The following ZFP3 variants were observed in gnomAD, a reference collection of about 807,000 sequenced individuals.
ZFP3 encodes the protein ZFP3 zinc finger protein.
ZFP3 carries 18 observed loss-of-function variants against 36.7 expected under a neutral mutation model. The observed-to-expected ratio is 0.49, with a 90% confidence interval of 0.34 to 0.73. The LOEUF is 0.73. Ranked by LOEUF, ZFP3 falls within the 30% of genes least tolerant of loss-of-function variation. The pLI, the probability that ZFP3 is intolerant of heterozygous loss-of-function variation, is 0.01. For synonymous variants in ZFP3, 218 were observed against 199.0 expected (o/e 1.10, Z -0.81); for missense variants, 495 against 599.0 (o/e 0.83, Z 1.81).
At chr17:5,084,895 T>C (rs1279996362) in intron 1 of ZFP3, among the ~76,000 whole-genome samples, 1 of 152,254 alleles carries the variant, frequency 6.6e-6, no homozygotes, top group African/African-American at 2.4e-5. Context: ...GCTGTGCCTC[T>C]GGAAGAATCA....
At chr17:5,082,143 C>T (rs190903958) in intron 1 of ZFP3, among the ~76,000 whole-genome samples, 1 of 151,150 alleles carries the variant, frequency 6.6e-6, no homozygotes, top group Admixed American at 6.6e-5. Context: ...GTCAGGAGAT[C>T]GAGACCATCC....
At chr17:5,079,288 T>G (rs1449865558) in intron 1 of ZFP3, among the ~76,000 whole-genome samples, 1 of 151,580 alleles carries the variant, frequency 6.6e-6, no homozygotes, top group Non-Finnish European at 1.5e-5. Flanking sequence ...TTGGGAGGCC[T>G]AGGCGGGAGG....
At chr17:5,080,277 A>T (rs2072086818) in intron 1 of ZFP3, among the ~76,000 whole-genome samples, 1 of 152,158 alleles carries the variant, frequency 6.6e-6, no homozygotes, top group South Asian at 2.1e-4. Flanking sequence ...ACCCAGATGA[A>T]GGTGGATGTC....
rs973001357 is a variant in ZFP3, at chr17:5,093,866, A to G, written c.*853A>G. 2 of 167,156 alleles carry G rather than the reference A, an allele frequency of 1.2e-5. No individual in the cohort carries two copies. Among genetic ancestry groups the G allele is most frequent in the South Asian group, 4.1e-4 (2 of 4,830 alleles). The allele number at this position is 167,156 out of a possible 1,614,324, so 10.4% of individuals were successfully genotyped here. A position where few individuals can be genotyped will look rare whatever the true frequency, so the allele number is the denominator to read the frequency against. On this transcript the variant is annotated 3_prime_UTR_variant, in exon 2 of 2. Transcript: ENST00000318833. ...ATTAGGCAACACCAGGGGATAAACA[A>G]TTGAGGTCACACTGCTCGGCATGGG...
intron 1 of ZFP3, among the ~76,000 whole-genome samples, chr17:5,081,257 C>A (rs1271223923): frequency 6.6e-6 from 1 of 151,992 alleles, no homozygotes; most frequent in African/African-American, 2.4e-5. Flanking sequence ...CCACACCTGG[C>A]TAATTTTTGT....
intron 1 of ZFP3, among the ~76,000 whole-genome samples, chr17:5,083,912 GC>G (rs2072107186): frequency 6.6e-6 from 1 of 151,288 alleles, no homozygotes; most frequent in Admixed American, 6.6e-5. Context: ...TGTCGCCCAG[GC>G]TGGAGTGCAA....
intron 1 of ZFP3, among the ~76,000 whole-genome samples, chr17:5,081,873 T>A (rs2072095365): frequency 6.8e-6 from 1 of 148,030 alleles, no homozygotes; most frequent in South Asian, 2.2e-4. Flanking sequence ...AGTGTTGGGA[T>A]TACAGGCGTG....
chr17:5,086,972 C>T (rs1295640606), intron 1 of ZFP3, among the ~76,000 whole-genome samples: 2 of 152,040 alleles, frequency 1.3e-5, no homozygotes, highest in African/African-American at 4.8e-5. Flanking sequence ...TCATGATCTG[C>T]CTGCCTTGGC....
Position 5,091,748 on chromosome 17 carries a change from A to G in ZFP3, c.244A>G (p.Ser82Gly). 2.5e-6 allele frequency: 4 copies of G among 1,614,256 alleles called. No individual in the cohort carries two copies. The highest frequency in any genetic ancestry group is 3.4e-6 in the Non-Finnish European group (4 of 1,180,050). Residue 82 changes from serine (S) to glycine (G), a missense_variant, in exon 2 of 2, where the codon AGT (serine) becomes GGT (glycine). This residue lies in a region of ZFP3 where 229 missense variants were observed against 233.8 expected (regional missense o/e 0.98). Coordinates refer to ENST00000318833, the MANE Select transcript of ZFP3 (RefSeq NM_153018.3). ...GLMIFKKSPS[S>G]EKDRENNESE... ...GATGATCTTTAAGAAATCACCCTCA[A>G]GTGAGAAAGACCGGGAGAATAATGA...
Position 5,092,742 on chromosome 17 carries a change from G to A in ZFP3, c.1238G>A (p.Arg413Lys), listed in dbSNP as rs769402923. The A allele has an allele frequency of 1.2e-6, 2 of 1,614,008 alleles. No individual in the cohort carries two copies. Among genetic ancestry groups the A allele is most frequent in the African/African-American group, 1.3e-5 (1 of 74,896 alleles). The change falls in exon 2 of 2, where the codon AGA becomes AAA. Residue 413 changes from arginine to lysine, a missense_variant. Arg to Lys is a conservative substitution (Grantham distance 26). Coordinates refer to ENST00000318833, the MANE Select transcript of ZFP3 (RefSeq NM_153018.3). This position sits in a 1 kb window ranked among gnomAD's most constrained non-coding sequence, Gnocchi z 5.0. ...ACCTCTCACCTTATTGTCCACCAGA[G>A]AATTCATACTGGAGAGAAACCCCAT... is the stretch of plus-strand genomic sequence containing the variant. ...RRTSHLIVHQ[R>K]IHTGEKPHQC...
At chr17:5,084,213 CTTG>C (rs1177805514) in intron 1 of ZFP3, among the ~76,000 whole-genome samples, 1 of 129,742 alleles carries the variant, frequency 7.7e-6, no homozygotes, top group Admixed American at 7.9e-5. Context: ...AATTTTATTT[CTTG>C]TTGTTAATTA....
chr17:5,093,009 A>G lies in ZFP3; in HGVS notation c.1505A>G (p.Glu502Gly). ...LLRHQSVHCM[E>G] ...CGACATCAAAGTGTTCACTGTATGGAGTAATCTGCAAAATAGGAAAGCTTT... is the reference window on the plus strand; with the variant it reads ...CGACATCAAAGTGTTCACTGTATGGGGTAATCTGCAAAATAGGAAAGCTTT... Residue 502 changes from glutamate to glycine, a missense_variant, in exon 2 of 2, where the codon GAG (glutamate) becomes GGG (glycine). Transcript: ENST00000318833. 1 of 1,559,720 alleles carries G rather than the reference A, an allele frequency of 6.4e-7. No homozygotes were observed. Among genetic ancestry groups the G allele is most frequent in the South Asian group, 1.2e-5 (1 of 82,838 alleles).
intron 1 of ZFP3, among the ~76,000 whole-genome samples, chr17:5,088,541 C>T (rs2072132931): frequency 6.6e-6 from 1 of 150,628 alleles, no homozygotes; most frequent in African/African-American, 2.4e-5. Flanking sequence ...GTCTCAGTCT[C>T]CTGATCTCGT....
Position 5,092,542 on chromosome 17 carries a change from T to C in ZFP3, c.1038T>C (p.Phe346=), listed in dbSNP as rs756606304. The C allele has an allele frequency of 1.9e-6, 3 of 1,614,116 alleles. No homozygotes were observed. In the Admixed American group the frequency reaches 5.0e-5, roughly 27 times the overall value. Residue 346 remains phenylalanine, a synonymous_variant, in exon 2 of 2, where the codon TTT becomes TTC. Coordinates refer to ENST00000318833, the MANE Select transcript of ZFP3 (RefSeq NM_153018.3). This position sits in a 1 kb window ranked among gnomAD's most constrained non-coding sequence, Gnocchi z 5.0. ...PYECNECGKT[F]GQNSEIIRHI... ...AATGTAATGAATGTGGGAAAACTTTTGGCCAGAACTCAGAGATTATTAGAC... is the reference window on the plus strand; with the variant it reads ...AATGTAATGAATGTGGGAAAACTTTCGGCCAGAACTCAGAGATTATTAGAC...
chr17:5,091,652 C>G lies in ZFP3; in HGVS notation c.148C>G (p.His50Asp), dbSNP rs1042220214. The change falls in exon 2 of 2, where the codon CAT becomes GAT. Residue 50 changes from histidine to aspartate, a missense_variant. Physicochemically the swap from His to Asp is moderately conservative, Grantham distance 81. Around this residue, in one of 3 missense-constraint regions of ZFP3, gnomAD observed 229 missense variants for 233.8 expected, o/e 0.98. Coordinates refer to ENST00000318833, the MANE Select transcript of ZFP3 (RefSeq NM_153018.3). ...AGCEEDMLEG[H>D]SRESMEEVIE... The stretch of plus-strand genomic sequence containing the variant: ...ATGTGAAGAAGACATGTTGGAGGGA[C>G]ATTCGAGAGAGTCCATGGAAGAGGT... 1.2e-6 allele frequency: 2 copies of G among 1,614,074 alleles called. No individual in the cohort carries two copies. The highest frequency in any genetic ancestry group is 1.7e-6 in the Non-Finnish European group (2 of 1,180,048).
intron 1 of ZFP3, among the ~76,000 whole-genome samples, chr17:5,079,761 T>C (rs2072083449): frequency 6.6e-6 from 1 of 152,070 alleles, no homozygotes; most frequent in African/African-American, 2.4e-5. Flanking sequence ...GGGGGTCAGC[T>C]GGGCGTGATG....
At chr17:5,086,223 T>A (rs1327932132) in intron 1 of ZFP3, among the ~76,000 whole-genome samples, 1 of 152,144 alleles carries the variant, frequency 6.6e-6, no homozygotes. Flanking sequence ...CAGTAGGAGA[T>A]CAGGTTCCTT....
At chr17:5,088,684 G>C (rs188840927) in intron 1 of ZFP3, among the ~76,000 whole-genome samples, 1 of 151,974 alleles carries the variant, frequency 6.6e-6, no homozygotes, top group African/African-American at 2.4e-5. Flanking sequence ...TTCTGACCTC[G>C]TGATCCACCA....
At chr17:5,084,510 C>T (rs1361763769) in intron 1 of ZFP3, among the ~76,000 whole-genome samples, 2 of 140,126 alleles carry the variant, frequency 1.4e-5, no homozygotes, top group African/African-American at 2.7e-5. Flanking sequence ...CTCCTGACCT[C>T]GTGATCCGCC....
Sources: allele counts gnomAD v4.1 joint callset (sites outside exome capture counted in the v4.1 genomes callset), GRCh38; gene constraint gnomAD v4.1.1; regional missense constraint gnomAD v4.1.1; non-coding constraint Gnocchi (gnomAD v3.1); transcripts MANE v1.5; gene names NCBI Gene and HGNC (gene_info 2026-07-23, HGNC 2026-07-21).